Variants in SLC44A1 observed in about 807,000 individuals in gnomAD.
SLC44A1 encodes choline transporter-like protein 1.
A neutral mutation model predicts 79.3 loss-of-function variants in SLC44A1; 26 were observed. That is an observed-to-expected ratio of 0.33 (90% CI 0.24 to 0.46). The LOEUF is 0.46. Ranked by LOEUF, SLC44A1 falls within the 20% of genes least tolerant of loss-of-function variation. The pLI, the probability that SLC44A1 is intolerant of heterozygous loss-of-function variation, is 1.00. For synonymous variants in SLC44A1, 263 were observed against 286.2 expected, an observed-to-expected ratio of 0.92 and a Z score of 0.82; for missense variants, 688 against 798.1, an observed-to-expected ratio of 0.86 and a Z score of 1.66.
intron 3 of SLC44A1, among the ~76,000 whole-genome samples, chr9:105,329,220 G>T (rs2131347333): frequency 6.6e-6 from 1 of 152,328 alleles, no homozygotes; most frequent in South Asian, 2.1e-4. Context: ...TTGATATGAG[G>T]TAATAATTGG....
At chr9:105,308,403 CAG>C (rs772790829) in intron 2 of SLC44A1, among the ~76,000 whole-genome samples, 5 of 152,182 alleles carry the variant, frequency 3.3e-5, no homozygotes, top group Admixed American at 3.3e-4. Flanking sequence ...TAAATTGAGA[CAG>C]AAAGTTGAAG....
At chr9:105,375,008 A>G (rs1038382670) in intron 13 of SLC44A1, among the ~76,000 whole-genome samples, 3 of 152,078 alleles carry the variant, frequency 2.0e-5, no homozygotes, top group Non-Finnish European at 4.4e-5. Flanking sequence ...TCATGTGCCT[A>G]TGTTTCTCTT....
intron 1 of SLC44A1, among the ~76,000 whole-genome samples, chr9:105,246,460 A>C (rs560802503): frequency 6.6e-6 from 1 of 151,446 alleles, no homozygotes; most frequent in African/African-American, 2.4e-5. Flanking sequence ...GTGTAGTTAA[A>C]GATTCCTATT....
intron 3 of SLC44A1, among the ~76,000 whole-genome samples, chr9:105,311,914 T>A (rs1831191489): frequency 6.6e-6 from 1 of 152,208 alleles, no homozygotes; most frequent in Non-Finnish European, 1.5e-5. Flanking sequence ...CATTCCATCC[T>A]CTTCTTTCTC....
Position 105,275,155 on chromosome 9 carries a change from G to A in SLC44A1, c.37-24065G>A, listed in dbSNP as rs564716855. Among the ~76,000 whole-genome samples, 85 of 152,308 alleles carry A rather than the reference G, an allele frequency of 5.6e-4. 1 individual carries two copies. The highest frequency in any genetic ancestry group is 1.9e-3 in the African/African-American group (81 of 41,582). ...TAAAGGCTTGGAGCTAGTCTTGACA[G>A]GAGAGTAGTGTTTAAGAAACAACTA... On this transcript the variant is annotated intron_variant, in intron 1 of 15. Transcript: ENST00000374720.
chr9:105,274,081 G>A (rs7872373), intron 1 of SLC44A1, among the ~76,000 whole-genome samples: 3,864 of 152,106 alleles, frequency 0.025, 172 homozygotes, highest in African/African-American at 0.088. Flanking sequence ...AGTGAATAAA[G>A]CCAATAAAAA....
At chr9:105,330,402 T>C (rs1826713263) in intron 3 of SLC44A1, among the ~76,000 whole-genome samples, 1 of 152,236 alleles carries the variant, frequency 6.6e-6, no homozygotes, top group Non-Finnish European at 1.5e-5. Context: ...CCTGTAATGC[T>C]TTGTGACTCA....
At chr9:105,428,260 A>C (rs1829348116) in intron 15 of SLC44A1, among the ~76,000 whole-genome samples, 1 of 152,140 alleles carries the variant, frequency 6.6e-6, no homozygotes. Context: ...TTCTTTTATA[A>C]ATTAAGATAC....
chr9:105,249,863 T>G (rs1013657803), intron 1 of SLC44A1, among the ~76,000 whole-genome samples: 11 of 146,078 alleles, frequency 7.5e-5, no homozygotes, highest in African/African-American at 1.3e-4. Context: ...TGCAGTTTAC[T>G]AATTTTTTTT....
intron 2 of SLC44A1, among the ~76,000 whole-genome samples, chr9:105,300,256 C>T (rs1234055574): frequency 6.6e-6 from 1 of 152,200 alleles, no homozygotes; most frequent in Admixed American, 6.5e-5. Flanking sequence ...TGTTTTCTAA[C>T]ACCCCATTTC....
chr9:105,321,346 T>C (rs1329027965), intron 3 of SLC44A1, among the ~76,000 whole-genome samples: 1 of 152,254 alleles, frequency 6.6e-6, no homozygotes, highest in African/African-American at 2.4e-5. Flanking sequence ...TGAATTACTT[T>C]GCCACCTTTG....
At chr9:105,337,485 A>T (rs1489450244) in intron 4 of SLC44A1, among the ~76,000 whole-genome samples, 2 of 152,204 alleles carry the variant, frequency 1.3e-5, no homozygotes, top group African/African-American at 4.8e-5. Context: ...TTATTATTCC[A>T]CTAATGGAAT....
chr9:105,362,928 C>T lies in SLC44A1; in HGVS notation c.1008C>T (p.Phe336=), dbSNP rs147994302. The change falls in exon 9 of 16, where the codon TTC becomes TTT. Residue 336 remains phenylalanine, a synonymous_variant. Transcript: ENST00000374720. ...TCATTCACTTGCCACTGCTAGTCTT[C>T]CAACCCTTCTGGACTTTCTTTGCTC... ...KVFIHLPLLV[F]QPFWTFFALV... 6.2e-7 allele frequency: 1 copy of T among 1,613,990 alleles called. No individual in the cohort carries two copies. Among genetic ancestry groups the T allele is most frequent in the Non-Finnish European group, 8.5e-7 (1 of 1,179,936 alleles).
At chr9:105,346,188 A>G (rs536805795) in intron 4 of SLC44A1, among the ~76,000 whole-genome samples, 80 of 152,144 alleles carry the variant, frequency 5.3e-4, no homozygotes, top group Admixed American at 7.9e-4. Context: ...TACTACTAAC[A>G]CATTGTAAAG....
intron 1 of SLC44A1, among the ~76,000 whole-genome samples, chr9:105,263,396 A>G (rs1326787402): frequency 1.3e-5 from 2 of 152,190 alleles, no homozygotes; most frequent in African/African-American, 4.8e-5. Context: ...TTTTAAAGTT[A>G]AACACCTTTA....
intron 12 of SLC44A1, among the ~76,000 whole-genome samples, chr9:105,371,509 A>G (rs944070778): frequency 3.3e-5 from 5 of 151,290 alleles, no homozygotes; most frequent in Non-Finnish European, 7.4e-5. Context: ...GGCCTTGTGG[A>G]TCACAAGGCC....
intron 15 of SLC44A1, among the ~76,000 whole-genome samples, chr9:105,421,708 C>T (rs902962447): frequency 2.0e-5 from 3 of 151,946 alleles, no homozygotes; most frequent in Admixed American, 6.6e-5. Context: ...CTGCCTCAGC[C>T]TCCCGAGTAG....
At chr9:105,274,344 C>T (rs1055151119) in intron 1 of SLC44A1, among the ~76,000 whole-genome samples, 3 of 152,212 alleles carry the variant, frequency 2.0e-5, no homozygotes, top group African/African-American at 7.2e-5. Context: ...GAATTGTACT[C>T]GTGGAGGTGT....
intron 4 of SLC44A1, among the ~76,000 whole-genome samples, chr9:105,338,406 G>A (rs1310958605): frequency 6.6e-6 from 1 of 152,030 alleles, no homozygotes; most frequent in Non-Finnish European, 1.5e-5. Context: ...TAAGTTATCT[G>A]GTTTTTTTCT....
Sources: allele counts gnomAD v4.1 joint callset (sites outside exome capture counted in the v4.1 genomes callset), GRCh38; gene constraint gnomAD v4.1.1; transcripts MANE v1.5; gene names NCBI Gene and HGNC (gene_info 2026-07-23, HGNC 2026-07-21).